Variants in NAT16 observed in about 807,000 individuals in gnomAD.
NAT16 encodes the protein N-acetyltransferase 16 (putative), also known as probable N-acetyltransferase 16.
In NAT16, 16 loss-of-function variants were observed where a neutral mutation model predicts 15.9. The observed-to-expected ratio is 1.01, with a 90% CI of 0.68 to 1.53. The LOEUF is 1.53. NAT16 is among the 40% of genes most tolerant of loss of function. NAT16 has a pLI of 0.00. For missense variants in NAT16, 572 were observed against 508.4 expected (o/e 1.13, Z -1.20); for synonymous variants, 260 against 241.9 (o/e 1.07, Z -0.69).
rs758649417 is a variant in NAT16 at position 101,174,598 on chromosome 7, C to G, written c.210G>C (p.Ser70=). The part of the protein sequence containing the change: ...EREFEEVLAI[S]GGIYGGLDYL... ...AGTCCAGGCCGCCGTAGATGCCCCCCGAGATGGCCAGCACTTCCTCAAACT... is the reference window on the plus strand; with the variant it reads ...AGTCCAGGCCGCCGTAGATGCCCCCGGAGATGGCCAGCACTTCCTCAAACT... The change falls in exon 2 of 4, where the codon TCG becomes TCC. Residue 70 remains serine (S), a synonymous_variant. Transcript: ENST00000300303. The G allele has an allele frequency of 1.9e-6, 3 of 1,614,224 alleles. No homozygotes were observed. Among genetic ancestry groups the G allele is most frequent in the Non-Finnish European group, 2.5e-6 (3 of 1,180,034 alleles).
chr7:101,179,507 GA>G (rs1584226589), intron 1 of NAT16, among the ~76,000 whole-genome samples: 1 of 147,204 alleles, frequency 6.8e-6, no homozygotes, highest in East Asian at 2.0e-4. Flanking sequence ...AAGAAAGTCA[GA>G]AAAAAGGCCG....
intron 1 of NAT16, among the ~76,000 whole-genome samples, chr7:101,178,292 T>C (rs192484095): frequency 3.0e-4 from 46 of 152,242 alleles, no homozygotes; most frequent in Non-Finnish European, 5.9e-4. Context: ...CTGTTCCATT[T>C]TGGGGGACAT....
chr7:101,174,046 A>T (rs545259002), intron 2 of NAT16: 1 of 242,790 alleles, frequency 4.1e-6, no homozygotes, highest in Non-Finnish European at 7.8e-6. Flanking sequence ...ACCTCTTGAG[A>T]TGCTCCAGCT....
At chr7:101,175,941 C>T (rs1387860690) in intron 1 of NAT16, among the ~76,000 whole-genome samples, 1 of 150,026 alleles carries the variant, frequency 6.7e-6, no homozygotes, top group Non-Finnish European at 1.5e-5. Context: ...AAAAAAGAGG[C>T]ACACTCCTTC....
At chr7:101,179,209 A>T (rs1294408478) in intron 1 of NAT16, 1 of 152,282 alleles carries the variant, frequency 6.6e-6, no homozygotes, top group African/African-American at 2.4e-5. Context: ...AGGCAGCTGC[A>T]CAAAGCGCCC....
intron 1 of NAT16, among the ~76,000 whole-genome samples, 183 bp from the exon 2 acceptor site, chr7:101,174,994 G>T (rs1308379287): frequency 1.3e-5 from 2 of 151,722 alleles, no homozygotes; most frequent in Non-Finnish European, 2.9e-5. Flanking sequence ...TCGTTCTGCC[G>T]CCCAGGCTGG....
intron 1 of NAT16, among the ~76,000 whole-genome samples, chr7:101,175,870 CG>C (rs1797453680): frequency 6.6e-6 from 1 of 150,784 alleles, no homozygotes; most frequent in Non-Finnish European, 1.5e-5. Flanking sequence ...TGCAGTGAGC[CG>C]GGATCACACC....
Position 101,172,224 on chromosome 7 carries a change from G to A in NAT16, c.965C>T (p.Pro322Leu). ...CATGACGTTGAGGCCAACGAGGCGC[G>A]GGGCCTGGCGCTGCAGGTGCCACAG... is the stretch of plus-strand genomic sequence containing the variant. ...QLLWHLQRQA[P>L]RLVGLNVMCQ... The change falls in exon 4 of 4, where the codon CCG becomes CTG. Residue 322 changes from proline to leucine, a missense_variant. By Grantham distance (98) the Pro-to-Leu change is moderately conservative (BLOSUM62 -3). Transcript: ENST00000300303. The surrounding 1 kb of genome is among the most constrained non-coding windows in gnomAD (Gnocchi z 4.2). The A allele has an allele frequency of 6.2e-7, 1 of 1,613,520 alleles. No individual in the cohort carries two copies. The highest frequency in any genetic ancestry group is 8.5e-7 in the Non-Finnish European group (1 of 1,179,838).
chr7:101,177,924 C>T (rs1797501942), intron 1 of NAT16, among the ~76,000 whole-genome samples: 1 of 152,182 alleles, frequency 6.6e-6, no homozygotes, highest in Non-Finnish European at 1.5e-5. Flanking sequence ...AGCAAGTTAG[C>T]TCCTGACTCC....
chr7:101,173,229 G>A, intron 3 of NAT16, 67 bp downstream of exon 3: 5 of 1,353,168 alleles, frequency 3.7e-6, no homozygotes, highest in South Asian at 1.2e-5. Context: ...TCTGCTGGGG[G>A]TGGGGAGGGT....
intron 1 of NAT16, among the ~76,000 whole-genome samples, chr7:101,175,513 CTT>C (rs1198241019): frequency 6.6e-6 from 1 of 151,938 alleles, no homozygotes; most frequent in Non-Finnish European, 1.5e-5. Flanking sequence ...CCACCCCACT[CTT>C]ATGGGATGCT....
At chr7:101,174,426 C>G in intron 2 of NAT16, 70 bp downstream of exon 2, 1 of 1,480,138 alleles carries the variant, frequency 6.8e-7, no homozygotes, top group Non-Finnish European at 8.9e-7. Context: ...TCTCATCCTC[C>G]TCTTCCTAAG....
At chr7:101,178,710 T>TAAAA (rs386410830) in intron 1 of NAT16, among the ~76,000 whole-genome samples, 9 of 72,790 alleles carry the variant, frequency 1.2e-4, no homozygotes, top group African/African-American at 1.7e-4. Context: ...CTCTCTCTAC[T>TAAAA]AAAAAAAAAA....
chr7:101,177,368 G>T (rs116120170), intron 1 of NAT16, among the ~76,000 whole-genome samples: 75 of 151,816 alleles, frequency 4.9e-4, no homozygotes, highest in African/African-American at 1.5e-3. Context: ...TTTGAGTCGG[G>T]GTCTCGCTCT....
At position 101,175,475 on chromosome 7, in the gene NAT16, C is replaced by T. The variant is rs142895529; in HGVS notation, c.-4-664G>A. ...GGTCTCCCAGCTCCCTCCCTCTTCC[C>T]ACCAGCTTTCAGAAATCTCAGCTCT... On this transcript the variant is annotated intron_variant, in intron 1 of 3. Transcript: ENST00000300303. Among the ~76,000 whole-genome samples, 91 of 152,034 alleles carry T rather than the reference C, an allele frequency of 6.0e-4. No homozygotes were observed. In the East Asian group the frequency reaches 0.015, roughly 26 times the overall value.
At chr7:101,175,276 A>AT (rs1339161575) in intron 1 of NAT16, among the ~76,000 whole-genome samples, 2,035 of 143,178 alleles carry the variant, frequency 0.014, 39 homozygotes, top group African/African-American at 0.047. Flanking sequence ...TCTTCTTCTT[A>AT]TTTTTTTTTT....
At position 101,172,259 on chromosome 7, in the gene NAT16, C is replaced by G. The variant is rs1476070521; in HGVS notation, c.930G>C (p.Gln310His). 1.9e-6 allele frequency: 3 copies of G among 1,612,916 alleles called. No homozygotes were observed. The highest frequency in any genetic ancestry group is 2.2e-5 in the South Asian group (2 of 91,062). ...DAFGSDGAQV[Q>H]SQLLWHLQRQ... ...GCTGCAGGTGCCACAGCAGCTGGCT[C>G]TGCACCTGCGCGCCGTCGCTACCGA... The change falls in exon 4 of 4, where the codon CAG becomes CAC. Residue 310 changes from glutamine to histidine, a missense_variant. Transcript: ENST00000300303. This position sits in a 1 kb window ranked among gnomAD's most constrained non-coding sequence, Gnocchi z 4.2.
At chr7:101,173,830 C>T (rs740105) in intron 2 of NAT16, 22,743 of 400,306 alleles carry the variant, frequency 0.057, 853 homozygotes, top group Non-Finnish European at 0.073. Flanking sequence ...CTCAAGCGAT[C>T]CCCTACACCC....
intron 1 of NAT16, among the ~76,000 whole-genome samples, chr7:101,175,309 C>A (rs1003158520): frequency 1.3e-5 from 2 of 151,114 alleles, no homozygotes; most frequent in African/African-American, 2.4e-5. Context: ...GATCTCACTA[C>A]TTTGCCCAGG....
Sources: allele counts gnomAD v4.1 joint callset (sites outside exome capture counted in the v4.1 genomes callset), GRCh38; gene constraint gnomAD v4.1.1; non-coding constraint Gnocchi (gnomAD v3.1); transcripts MANE v1.5; gene names NCBI Gene and HGNC (gene_info 2026-07-23, HGNC 2026-07-21).